Variants in GRID1 observed in about 807,000 individuals in gnomAD.
GRID1 encodes the protein glutamate receptor ionotropic, delta-1.
Under a neutral mutation model 98.0 loss-of-function variants are expected in GRID1, and 28 were observed. The ratio of observed to expected loss-of-function variants is 0.29; its 90% CI spans 0.21 to 0.39. The LOEUF is 0.39. GRID1 is among the 10% of genes least tolerant of loss of function. GRID1 has a pLI of 1.00. For synonymous variants in GRID1, 553 were observed against 538.5 expected (o/e 1.03, Z -0.37); for missense variants, 1,111 against 1,340.5 (o/e 0.83, Z 2.67).
intron 8 of GRID1, among the ~76,000 whole-genome samples, chr10:85,844,107 A>G (rs1313249633): frequency 3.3e-5 from 5 of 152,154 alleles, no homozygotes; most frequent in African/African-American, 1.2e-4. Flanking sequence ...TGACACATGC[A>G]ACAACTTGGA....
intron 4 of GRID1, among the ~76,000 whole-genome samples, chr10:85,953,415 C>A: frequency 6.6e-6 from 1 of 152,090 alleles, no homozygotes; most frequent in East Asian, 1.9e-4. Context: ...CTAATGGGTA[C>A]TAGGCTTAAT....
chr10:86,140,758 G>A (rs549927499), intron 3 of GRID1, among the ~76,000 whole-genome samples: 40 of 152,308 alleles, frequency 2.6e-4, no homozygotes, highest in Admixed American at 2.4e-3. Context: ...TGAGCCTGAG[G>A]GGCTGTCTGT....
chr10:86,078,690 C>A (rs1843921033), intron 4 of GRID1, among the ~76,000 whole-genome samples: 1 of 152,346 alleles, frequency 6.6e-6, no homozygotes, highest in African/African-American at 2.4e-5. Context: ...CGCTTGGGGG[C>A]CTAGGGCTGG....
chr10:85,650,382 C>T (rs917765333), intron 12 of GRID1: 1 of 152,228 alleles, frequency 6.6e-6, no homozygotes, highest in African/African-American at 2.4e-5. Flanking sequence ...GGTACCCCCA[C>T]CACAGAGAGA....
chr10:85,760,526 G>A (rs912848130), intron 8 of GRID1, among the ~76,000 whole-genome samples: 2 of 152,052 alleles, frequency 1.3e-5, no homozygotes, highest in African/African-American at 4.8e-5. Flanking sequence ...TTTCTGCCAG[G>A]TAAACTATAA....
intron 12 of GRID1, among the ~76,000 whole-genome samples, chr10:85,702,734 A>G (rs1375058671): frequency 1.3e-5 from 2 of 151,948 alleles, no homozygotes; most frequent in East Asian, 3.9e-4. Flanking sequence ...GAGAACAAAA[A>G]GAGAAGAAGA....
intron 4 of GRID1, among the ~76,000 whole-genome samples, chr10:86,021,284 T>G (rs1202469025): frequency 6.6e-6 from 1 of 152,146 alleles, no homozygotes; most frequent in Non-Finnish European, 1.5e-5. Context: ...GGCGAACAGG[T>G]GTCTCCTCCC....
chr10:86,190,873 T>G (rs924910240), intron 3 of GRID1, among the ~76,000 whole-genome samples: 1 of 152,170 alleles, frequency 6.6e-6, no homozygotes, highest in African/African-American at 2.4e-5. Context: ...CATGTGTGCA[T>G]AGTCGTGCAT....
chr10:85,877,741 C>T (rs1840918601), intron 5 of GRID1, among the ~76,000 whole-genome samples: 1 of 152,210 alleles, frequency 6.6e-6, no homozygotes, highest in Admixed American at 6.5e-5. Context: ...AACGCAGCTC[C>T]TCACCAGCAA....
At chr10:85,761,021 C>T (rs1421445017) in intron 8 of GRID1, among the ~76,000 whole-genome samples, 1 of 152,208 alleles carries the variant, frequency 6.6e-6, no homozygotes. Flanking sequence ...AAGTTAAAGC[C>T]TTTGGTTTTT....
intron 3 of GRID1, among the ~76,000 whole-genome samples, chr10:86,173,076 C>T (rs1025623625): frequency 6.6e-6 from 1 of 152,200 alleles, no homozygotes; most frequent in African/African-American, 2.4e-5. Context: ...GAATATCTGT[C>T]ACCCAGGCTG....
chr10:86,266,140 C>T (rs907736578), intron 2 of GRID1, among the ~76,000 whole-genome samples: 2 of 152,056 alleles, frequency 1.3e-5, no homozygotes, highest in African/African-American at 4.8e-5. Context: ...CCAACAGCAC[C>T]ATTCCATCCT....
chr10:86,164,809 A>T (rs115532436), intron 3 of GRID1, among the ~76,000 whole-genome samples: 1 of 152,070 alleles, frequency 6.6e-6, no homozygotes, highest in Non-Finnish European at 1.5e-5. Flanking sequence ...TCGGCCCTAC[A>T]CTCACTCAGC....
chr10:86,253,394 C>CA (rs1475635858), intron 2 of GRID1, among the ~76,000 whole-genome samples: 3 of 152,252 alleles, frequency 2.0e-5, no homozygotes, highest in African/African-American at 7.2e-5. Context: ...CTTCCTGTGG[C>CA]TTCTGCATTG....
chr10:86,094,505 G>C (rs1181171900), intron 4 of GRID1, among the ~76,000 whole-genome samples: 1 of 152,182 alleles, frequency 6.6e-6, no homozygotes, highest in Non-Finnish European at 1.5e-5. Context: ...AAAGTTTCCA[G>C]ATACAAGACT....
At chr10:85,884,119 A>G (rs1841078247) in intron 5 of GRID1, among the ~76,000 whole-genome samples, 1 of 152,078 alleles carries the variant, frequency 6.6e-6, no homozygotes, top group Non-Finnish European at 1.5e-5. Flanking sequence ...TCCTATTACC[A>G]CTTTACATTT....
chr10:85,660,036 T>C (rs1340075688), intron 12 of GRID1, among the ~76,000 whole-genome samples: 1 of 152,216 alleles, frequency 6.6e-6, no homozygotes. Flanking sequence ...TGGTTACAGC[T>C]GTTTTTATCT....
intron 4 of GRID1, among the ~76,000 whole-genome samples, chr10:86,032,847 AAG>A (rs2131893986): frequency 6.6e-6 from 1 of 151,512 alleles, no homozygotes; most frequent in Non-Finnish European, 1.5e-5. Context: ...AAAAAAAAAA[AAG>A]AGTACCTCCT....
At chr10:85,638,905 G>A (rs1462767477) in intron 13 of GRID1, among the ~76,000 whole-genome samples, 1 of 152,078 alleles carries the variant, frequency 6.6e-6, no homozygotes, top group East Asian at 1.9e-4. Context: ...CCACTAAATT[G>A]GCTGCAACCA....
Sources: gnomAD v4.1 joint callset for allele counts (sites outside exome capture counted in the v4.1 genomes callset) on GRCh38, gnomAD v4.1.1 for gene constraint, MANE v1.5 for transcripts, NCBI Gene and HGNC (gene_info 2026-07-23, HGNC 2026-07-21) for gene names.